Variants in ASTN2 observed in about 807,000 individuals in gnomAD.
ASTN2 encodes astrotactin-2.
A neutral mutation model predicts 139.8 loss-of-function variants in ASTN2; 54 were observed. The observed-to-expected ratio is 0.39, with a 90% CI of 0.31 to 0.48. The LOEUF is 0.48. Among genes scored for constraint, ASTN2 ranks in the 20% least tolerant of loss-of-function variants. The pLI is 0.95. For missense variants in ASTN2, 1,565 were observed against 1,725.1 expected, an observed-to-expected ratio of 0.91 and a Z score of 1.64; for synonymous variants, 756 against 719.5, an observed-to-expected ratio of 1.05 and a Z score of -0.81.
At chr9:117,010,378 T>G (rs1406812134) in intron 6 of ASTN2, among the ~76,000 whole-genome samples, 3 of 152,240 alleles carry the variant, frequency 2.0e-5, no homozygotes, top group African/African-American at 7.2e-5. Flanking sequence ...AATGGATAAT[T>G]CTTGTATTTA....
At chr9:116,840,566 C>T (rs1404430521) in intron 11 of ASTN2, among the ~76,000 whole-genome samples, 2 of 110,748 alleles carry the variant, frequency 1.8e-5, no homozygotes, top group Non-Finnish European at 3.7e-5. Context: ...CTGACCCCCC[C>T]ACCTCCCTCC....
intron 19 of ASTN2, among the ~76,000 whole-genome samples, chr9:116,489,613 C>T (rs573810905): frequency 5.9e-5 from 9 of 152,298 alleles, no homozygotes; most frequent in African/African-American, 1.9e-4. Context: ...AGTCACTGTG[C>T]CTGGCCCAAA....
intron 19 of ASTN2, among the ~76,000 whole-genome samples, chr9:116,563,768 C>A (rs73524167): frequency 0.015 from 2,240 of 152,166 alleles, 43 homozygotes; most frequent in African/African-American, 0.051. Flanking sequence ...CTTCTAGAAT[C>A]ATCTTTTAGA....
At chr9:116,762,917 T>C (rs2132170800) in intron 13 of ASTN2, among the ~76,000 whole-genome samples, 1 of 152,344 alleles carries the variant, frequency 6.6e-6, no homozygotes, top group Non-Finnish European at 1.5e-5. Context: ...CCTATGACAT[T>C]GGGATTTGTT....
intron 19 of ASTN2, 135 bp downstream of exon 19, chr9:116,618,189 C>T (rs966360109): frequency 3.1e-6 from 3 of 981,732 alleles, no homozygotes; most frequent in Non-Finnish European, 2.9e-6. Context: ...GGATGGACAG[C>T]GAAAAATCAC....
intron 19 of ASTN2, among the ~76,000 whole-genome samples, chr9:116,495,139 G>A (rs1468097379): frequency 2.0e-5 from 3 of 152,208 alleles, no homozygotes; most frequent in East Asian, 1.9e-4. Flanking sequence ...CAAAAAAAGG[G>A]AATAGTGATC....
At chr9:116,500,734 T>A (rs1849826139) in intron 19 of ASTN2, among the ~76,000 whole-genome samples, 1 of 152,182 alleles carries the variant, frequency 6.6e-6, no homozygotes, top group Non-Finnish European at 1.5e-5. Flanking sequence ...AAAATATCTA[T>A]CTCTAGGGAA....
At chr9:116,471,358 G>C (rs1245380493) in intron 20 of ASTN2, among the ~76,000 whole-genome samples, 1 of 152,128 alleles carries the variant, frequency 6.6e-6, no homozygotes, top group African/African-American at 2.4e-5. Flanking sequence ...TTTAATCTGT[G>C]AATGTTTCCC....
At chr9:117,373,745 AAAAAG>A (rs1292973805) in intron 1 of ASTN2, among the ~76,000 whole-genome samples, 4 of 152,224 alleles carry the variant, frequency 2.6e-5, no homozygotes, top group Admixed American at 6.5e-5. Context: ...ATTTTGCCAG[AAAAAG>A]AAAAGAAAAG....
chr9:117,404,044 G>C (rs1830913870), intron 1 of ASTN2, among the ~76,000 whole-genome samples: 1 of 152,172 alleles, frequency 6.6e-6, no homozygotes, highest in Non-Finnish European at 1.5e-5. Flanking sequence ...AAGGATTCCA[G>C]GTGGCGAAGA....
chr9:116,490,034 T>C (rs573181686), intron 19 of ASTN2, among the ~76,000 whole-genome samples: 5 of 152,030 alleles, frequency 3.3e-5, no homozygotes, highest in African/African-American at 1.2e-4. Context: ...AGCACTCTCA[T>C]GCATTTGGAG....
intron 16 of ASTN2, among the ~76,000 whole-genome samples, chr9:116,695,099 AT>A (rs1488037076): frequency 6.6e-6 from 1 of 152,172 alleles, no homozygotes; most frequent in Non-Finnish European, 1.5e-5. Flanking sequence ...ACATTAGTTA[AT>A]CATTGTTATG....
chr9:117,022,442 CAA>C, intron 6 of ASTN2, among the ~76,000 whole-genome samples: 1 of 75,440 alleles, frequency 1.3e-5, no homozygotes, highest in Admixed American at 1.4e-4. Context: ...TATCCCAGGG[CAA>C]AAAAAAAAAA....
intron 11 of ASTN2, among the ~76,000 whole-genome samples, chr9:116,862,248 A>G (rs1832902202): frequency 6.6e-6 from 1 of 152,162 alleles, no homozygotes; most frequent in South Asian, 2.1e-4. Context: ...AGCCTAGTCC[A>G]GAGCAGGATT....
At chr9:117,038,809 A>G (rs1251016524) in intron 6 of ASTN2, among the ~76,000 whole-genome samples, 2 of 152,148 alleles carry the variant, frequency 1.3e-5, no homozygotes, top group African/African-American at 2.4e-5. Context: ...ACTTTTCTGG[A>G]GGGCACTTTA....
At chr9:117,294,610 G>C (rs559848477) in intron 1 of ASTN2, among the ~76,000 whole-genome samples, 2 of 152,236 alleles carry the variant, frequency 1.3e-5, no homozygotes, top group South Asian at 4.2e-4. Context: ...TTGCCTTCAG[G>C]GAGCTCATAA....
At chr9:116,929,451 A>G (rs928491587) in intron 10 of ASTN2, among the ~76,000 whole-genome samples, 4 of 152,146 alleles carry the variant, frequency 2.6e-5, no homozygotes, top group Non-Finnish European at 5.9e-5. Context: ...AAGGAGAGGC[A>G]CTGAGACTTT....
chr9:117,152,475 G>A (rs1206067474), intron 3 of ASTN2, among the ~76,000 whole-genome samples: 4 of 152,292 alleles, frequency 2.6e-5, no homozygotes, highest in African/African-American at 4.8e-5. Flanking sequence ...GGATGTGGCT[G>A]CAACATTAAT....
At chr9:116,531,003 C>A (rs1851317919) in intron 19 of ASTN2, among the ~76,000 whole-genome samples, 1 of 152,062 alleles carries the variant, frequency 6.6e-6, no homozygotes, top group Admixed American at 6.6e-5. Context: ...TATTAAAAAA[C>A]AGAAAATTAA....
Sources: allele counts gnomAD v4.1 joint callset (sites outside exome capture counted in the v4.1 genomes callset), GRCh38; gene constraint gnomAD v4.1.1; transcripts MANE v1.5; gene names NCBI Gene and HGNC (gene_info 2026-07-23, HGNC 2026-07-21).